The following PID1 variants were observed in gnomAD, a reference collection of about 807,000 sequenced individuals.
PID1 encodes phosphotyrosine interaction domain containing 1.
A neutral mutation model predicts 19.1 loss-of-function variants in PID1; 10 were observed. The ratio of observed to expected loss-of-function variants is 0.52; its 90% CI spans 0.32 to 0.89. The LOEUF (loss-of-function observed/expected upper bound fraction) is 0.89, where lower values mean the gene tolerates loss of function less well. Among genes scored for constraint, PID1 ranks in the 40% least tolerant of loss-of-function variants. The pLI is 0.03. For synonymous variants in PID1, 130 were observed against 116.0 expected (o/e 1.12, Z -0.78); for missense variants, 248 against 285.3 (o/e 0.87, Z 0.94).
At chr2:229,167,828 TAAAATGAAAAGTTTTA>T (rs1418686502) in intron 1 of PID1, among the ~76,000 whole-genome samples, 17 of 152,196 alleles carry the variant, frequency 1.1e-4, no homozygotes, top group Admixed American at 1.1e-3. Flanking sequence ...AACATTATTT[TAAAATGAAAAGTTTTA>T]AAAATGGAAA....
At chr2:229,262,804 A>C (rs1199612352) in intron 1 of PID1, 3 of 1,551,224 alleles carry the variant, frequency 1.9e-6, no homozygotes, top group Non-Finnish European at 1.7e-6. Context: ...AATCCTTGGC[A>C]TTCCTTGGCT....
intron 2 of PID1, among the ~76,000 whole-genome samples, chr2:229,050,851 A>C (rs1693982271): frequency 9.3e-6 from 1 of 107,426 alleles, no homozygotes; most frequent in South Asian, 2.7e-4. Flanking sequence ...AACAACAAGA[A>C]CAATCATATG....
intron 2 of PID1, among the ~76,000 whole-genome samples, chr2:229,111,221 A>C (rs1288219088): frequency 6.6e-6 from 1 of 152,162 alleles, no homozygotes; most frequent in African/African-American, 2.4e-5. Context: ...ATTAGCAGTG[A>C]GAATGGACTA....
intron 1 of PID1, among the ~76,000 whole-genome samples, chr2:229,243,748 G>A (rs988615159): frequency 6.6e-6 from 1 of 152,006 alleles, no homozygotes; most frequent in Admixed American, 6.6e-5. Context: ...AATAAATAAG[G>A]AGGCTTAGTA....
At chr2:229,045,940 A>G (rs1450124908) in intron 2 of PID1, among the ~76,000 whole-genome samples, 1 of 152,112 alleles carries the variant, frequency 6.6e-6, no homozygotes. Context: ...GCTGAGGCTC[A>G]CTCTGTGACA....
At chr2:229,097,167 C>A (rs1317316329) in intron 2 of PID1, among the ~76,000 whole-genome samples, 1 of 152,176 alleles carries the variant, frequency 6.6e-6, no homozygotes, top group African/African-American at 2.4e-5. Context: ...TGTGAAATCA[C>A]TTTAAGCTGG....
At chr2:229,258,840 C>T (rs13429770) in intron 1 of PID1, among the ~76,000 whole-genome samples, 19 of 127,200 alleles carry the variant, frequency 1.5e-4, no homozygotes, top group Admixed American at 8.9e-4. Context: ...CCAGCCTGGG[C>T]GACAAAGCGA....
chr2:229,069,390 G>T (rs189500879), intron 2 of PID1, among the ~76,000 whole-genome samples: 12 of 152,114 alleles, frequency 7.9e-5, no homozygotes, highest in African/African-American at 2.9e-4. Context: ...CTGTTCTGTT[G>T]GTGTGAGGTT....
intron 2 of PID1, among the ~76,000 whole-genome samples, chr2:229,134,188 C>G (rs1048848812): frequency 1.3e-5 from 2 of 150,476 alleles, no homozygotes; most frequent in Admixed American, 6.6e-5. Context: ...AAAGACTGAA[C>G]TATTCCACTA....
At chr2:229,163,674 T>TGTGTGTGTGTGTGC (rs374622113) in intron 1 of PID1, among the ~76,000 whole-genome samples, 20 of 94,370 alleles carry the variant, frequency 2.1e-4, no homozygotes, top group African/African-American at 6.2e-4. Flanking sequence ...TGTGTGTGTG[T>TGTGTGTGTGTGTGC]GCGTGTGCGT....
intron 2 of PID1, among the ~76,000 whole-genome samples, chr2:229,029,933 C>G (rs911917377): frequency 4.6e-5 from 7 of 151,404 alleles, no homozygotes; most frequent in Non-Finnish European, 8.8e-5. Flanking sequence ...AGATGTATAT[C>G]AAAGAGATAT....
chr2:229,217,535 A>T (rs1487458304), intron 1 of PID1, among the ~76,000 whole-genome samples: 6 of 152,154 alleles, frequency 3.9e-5, no homozygotes, highest in Non-Finnish European at 5.9e-5. Context: ...GTAGACAGGG[A>T]GGATGCTACA....
At chr2:229,255,464 T>C (rs971141045) in intron 1 of PID1, among the ~76,000 whole-genome samples, 3 of 152,230 alleles carry the variant, frequency 2.0e-5, no homozygotes, top group Non-Finnish European at 2.9e-5. Context: ...AGAGAGGTAT[T>C]ACCACCATTA....
At chr2:229,161,796 C>T (rs562468316) in intron 1 of PID1, among the ~76,000 whole-genome samples, 17 of 152,300 alleles carry the variant, frequency 1.1e-4, no homozygotes, top group Admixed American at 9.8e-4. Flanking sequence ...GGCACATGCT[C>T]TTACTGGATA....
intron 1 of PID1, among the ~76,000 whole-genome samples, chr2:229,188,974 A>C (rs1392808687): frequency 6.6e-6 from 1 of 152,152 alleles, no homozygotes; most frequent in African/African-American, 2.4e-5. Context: ...ACGGCTCCTT[A>C]AGTGCTCCTC....
intron 1 of PID1, among the ~76,000 whole-genome samples, chr2:229,246,914 G>GAA (rs1257778991): frequency 3.9e-5 from 6 of 152,010 alleles, no homozygotes; most frequent in Admixed American, 6.5e-5. Context: ...TATCATGATG[G>GAA]AAAAAAAGTA....
At chr2:229,063,347 T>C (rs1026365549) in intron 2 of PID1, among the ~76,000 whole-genome samples, 15 of 152,120 alleles carry the variant, frequency 9.9e-5, no homozygotes, top group African/African-American at 3.4e-4. Flanking sequence ...CTCAAGATGT[T>C]TTTTCAATTT....
intron 1 of PID1, among the ~76,000 whole-genome samples, chr2:229,251,275 ATT>A (rs56674281): frequency 0.83 from 125,582 of 150,942 alleles, 52,287 homozygotes; most frequent in East Asian, 0.91. Context: ...AAGGTACTGT[ATT>A]TTTTTTTTTT....
intron 1 of PID1, among the ~76,000 whole-genome samples, chr2:229,202,216 G>A (rs573156897): frequency 7.6e-4 from 116 of 152,068 alleles, no homozygotes; most frequent in Non-Finnish European, 1.3e-3. Context: ...AACAAAACAC[G>A]TCTGAAGAAT....
Sources: gnomAD v4.1 joint callset for allele counts (sites outside exome capture counted in the v4.1 genomes callset) on GRCh38, gnomAD v4.1.1 for gene constraint, MANE v1.5 for transcripts, NCBI Gene and HGNC (gene_info 2026-07-23, HGNC 2026-07-21) for gene names.